The following UVRAG variants were observed in gnomAD, a reference collection of about 807,000 sequenced individuals.
The protein encoded by UVRAG is UV radiation resistance-associated gene protein.
A neutral mutation model predicts 78.0 loss-of-function variants in UVRAG; 19 were observed. The ratio of observed to expected loss-of-function variants is 0.24; its 90% CI spans 0.17 to 0.36. The LOEUF (loss-of-function observed/expected upper bound fraction) is 0.36, where lower values mean the gene tolerates loss of function less well. Ranked by LOEUF, UVRAG falls within the 10% of genes least tolerant of loss-of-function variation. The pLI is 1.00. For missense variants in UVRAG, 740 were observed against 853.8 expected, an observed-to-expected ratio of 0.87 and a Z score of 1.66; for synonymous variants, 323 against 324.6, an observed-to-expected ratio of 1.00 and a Z score of 0.05.
chr11:76,040,716 C>T (rs1446280557), intron 12 of UVRAG, among the ~76,000 whole-genome samples: 4 of 151,832 alleles, frequency 2.6e-5, no homozygotes, highest in East Asian at 2.0e-4. Context: ...CAACCACACC[C>T]GGCTTAATTT....
chr11:76,096,790 T>A (rs761268976), intron 13 of UVRAG, among the ~76,000 whole-genome samples: 2 of 152,160 alleles, frequency 1.3e-5, no homozygotes, highest in Non-Finnish European at 2.9e-5. Context: ...CGCCCCTTCC[T>A]TGAGTCAGCA....
chr11:76,141,343 C>T lies in UVRAG; in HGVS notation c.2030C>T (p.Ser677Phe). Reference sequence around the variant, plus strand: ...GTTCTGGGAGAATTTGAAGAGTTCTCCCGAAGGATCTATGCACTGAATGAA... The same window carrying T: ...GTTCTGGGAGAATTTGAAGAGTTCTTCCGAAGGATCTATGCACTGAATGAA... ...EQVLGEFEEF[S>F]RRIYALNENV... The change falls in exon 15 of 15, where the codon TCC (serine) becomes TTC (phenylalanine). Residue 677 changes from serine to phenylalanine, a missense_variant. Coordinates refer to ENST00000356136, the MANE Select transcript of UVRAG (RefSeq NM_003369.4). The T allele has an allele frequency of 1.9e-6, 3 of 1,614,192 alleles. No individual in the cohort carries two copies. The highest frequency in any genetic ancestry group is 2.2e-5 in the East Asian group (1 of 44,890).
rs747672698 is a variant in UVRAG at position 76,141,390 on chromosome 11, C to T, written c.2077C>T (p.Pro693Ser). Residue 693 changes from proline to serine, a missense_variant, in exon 15 of 15, where the codon CCG becomes TCG. Coordinates refer to ENST00000356136, the MANE Select transcript of UVRAG (RefSeq NM_003369.4). ...LNENVSSFRR[P>S]RRSSDK The stretch of plus-strand genomic sequence containing the variant: ...TGAAAACGTATCCAGCTTCCGCCGG[C>T]CGCGCAGGAGTTCCGATAAGTGAAG... The T allele has an allele frequency of 4.3e-6, 7 of 1,613,342 alleles. No homozygotes were observed. Among genetic ancestry groups the T allele is most frequent in the Non-Finnish European group, 5.9e-6 (7 of 1,179,978 alleles).
chr11:76,087,183 T>C (rs919382353), intron 13 of UVRAG, among the ~76,000 whole-genome samples: 2 of 152,198 alleles, frequency 1.3e-5, no homozygotes, highest in African/African-American at 4.8e-5. Context: ...CATGTGCTTG[T>C]GAATGTGTGT....
chr11:76,012,793 ATGTTTGTGTGTGTGTG>A (rs1432605095), intron 11 of UVRAG: 1 of 128,018 alleles, frequency 7.8e-6, no homozygotes, highest in East Asian at 2.3e-4. Flanking sequence ...TAAAAAAAAA[ATGTTTGTGTGTGTGTG>A]TGTGTGTGTG....
At chr11:75,831,606 G>A (rs1049781177) in intron 1 of UVRAG, among the ~76,000 whole-genome samples, 2 of 152,110 alleles carry the variant, frequency 1.3e-5, no homozygotes, top group Admixed American at 6.6e-5. Context: ...GGGAAAGATG[G>A]GAAATGCATG....
rs537797208 is a variant in UVRAG, at chr11:75,974,389, T to G, written c.700-8998T>G. Among the ~76,000 whole-genome samples the G allele has an allele frequency of 5.5e-3, 736 of 134,454 alleles. 6 individuals carry two copies. The highest frequency in any genetic ancestry group is 0.02 in the African/African-American group (700 of 35,736). The allele number at this position is 134,454 out of a possible 152,430, so 88.2% of individuals were successfully genotyped here. On this transcript the variant is annotated intron_variant, in intron 7 of 14. Coordinates refer to ENST00000356136, the MANE Select transcript of UVRAG (RefSeq NM_003369.4). ...TTTTTTTTTTTTTTGAGACGGAGTC[T>G]CGCTCTGTCGCCCAGGCCGGACTGC...
At chr11:75,837,183 C>T (rs935700231) in intron 1 of UVRAG, among the ~76,000 whole-genome samples, 5 of 152,104 alleles carry the variant, frequency 3.3e-5, no homozygotes, top group Non-Finnish European at 7.4e-5. Flanking sequence ...AAAAATTAGC[C>T]GAGCGTGGTG....
chr11:76,120,407 A>G (rs1459229459), intron 14 of UVRAG, among the ~76,000 whole-genome samples: 2 of 152,154 alleles, frequency 1.3e-5, no homozygotes, highest in Non-Finnish European at 2.9e-5. Context: ...CCTCATTGCA[A>G]CCTGACTGCC....
chr11:75,978,336 A>G (rs1486165064), intron 7 of UVRAG, among the ~76,000 whole-genome samples: 3 of 152,212 alleles, frequency 2.0e-5, no homozygotes, highest in East Asian at 1.9e-4. Context: ...GAATCTGACA[A>G]TTATGTGTCT....
At chr11:75,842,829 T>G (rs936336583) in intron 1 of UVRAG, among the ~76,000 whole-genome samples, 5 of 152,234 alleles carry the variant, frequency 3.3e-5, no homozygotes, top group African/African-American at 1.2e-4. Context: ...ATAACTCTTA[T>G]AGATTAAGCA....
chr11:75,989,756 T>C (rs942667254), intron 8 of UVRAG, among the ~76,000 whole-genome samples: 1 of 152,208 alleles, frequency 6.6e-6, no homozygotes, highest in African/African-American at 2.4e-5. Context: ...TGTGTCCCCA[T>C]AGTGTTTTGA....
intron 12 of UVRAG, among the ~76,000 whole-genome samples, chr11:76,032,042 T>C (rs774176053): frequency 6.6e-6 from 1 of 152,166 alleles, no homozygotes; most frequent in Non-Finnish European, 1.5e-5. Context: ...AATGGGAGAA[T>C]GAGGGTAATT....
intron 12 of UVRAG, among the ~76,000 whole-genome samples, chr11:76,055,498 G>T (rs1259730471): frequency 1.1e-4 from 16 of 152,118 alleles, no homozygotes; most frequent in Admixed American, 9.8e-4. Context: ...AGATTCTGCG[G>T]TTACATTTGC....
At chr11:76,058,540 A>AC (rs1461471226) in intron 12 of UVRAG, among the ~76,000 whole-genome samples, 2 of 151,814 alleles carry the variant, frequency 1.3e-5, no homozygotes, top group Non-Finnish European at 2.9e-5. Context: ...TCTCCAAAAA[A>AC]AAAAAAAAAA....
At chr11:76,027,378 T>G (rs1284484406) in intron 12 of UVRAG, among the ~76,000 whole-genome samples, 1 of 152,162 alleles carries the variant, frequency 6.6e-6, no homozygotes, top group African/African-American at 2.4e-5. Context: ...CAAATCACAC[T>G]TATTAGTTAG....
intron 8 of UVRAG, among the ~76,000 whole-genome samples, chr11:76,002,142 A>G (rs563965654): frequency 6.6e-6 from 1 of 152,170 alleles, no homozygotes; most frequent in Admixed American, 6.5e-5. Flanking sequence ...CCATTGCATC[A>G]GTATTATTAC....
At chr11:76,139,368 G>A (rs906051460) in intron 14 of UVRAG, among the ~76,000 whole-genome samples, 10 of 152,178 alleles carry the variant, frequency 6.6e-5, no homozygotes, top group Admixed American at 6.5e-4. Context: ...AATAATGAGG[G>A]ATGTCTTTCT....
Position 76,041,880 on chromosome 11 carries a change from G to A in UVRAG, c.1227-23830G>A, listed in dbSNP as rs79960188. ...ATCTTTCAGGTACTGTTCTACACGT[G>A]AATTGTCACAAAAGCAGTATGAGAT... is the stretch of plus-strand genomic sequence containing the variant. On this transcript the variant is annotated intron_variant, in intron 12 of 14. Coordinates refer to ENST00000356136, the MANE Select transcript of UVRAG (RefSeq NM_003369.4). Among the ~76,000 whole-genome samples, 671 of 152,276 alleles carry A rather than the reference G, an allele frequency of 4.4e-3. 4 individuals are homozygous for A. The highest frequency in any genetic ancestry group is 0.014 in the African/African-American group (595 of 41,558).
Sources: gnomAD v4.1 joint callset for allele counts (sites outside exome capture counted in the v4.1 genomes callset) on GRCh38, gnomAD v4.1.1 for gene constraint, MANE v1.5 for transcripts, NCBI Gene and HGNC (gene_info 2026-07-23, HGNC 2026-07-21) for gene names.